CATSPERB: variants seen among roughly 807,000 people sequenced by gnomAD.
CATSPERB encodes the protein cation channel sperm-associated auxiliary subunit beta.
Under a neutral mutation model 128.3 loss-of-function variants are expected in CATSPERB, and 93 were observed. That is an observed-to-expected ratio of 0.72 (90% CI 0.61 to 0.86). The LOEUF (loss-of-function observed/expected upper bound fraction) is 0.86. Ranked by LOEUF, CATSPERB falls within the 40% of genes least tolerant of loss-of-function variation. The pLI is 0.00. For synonymous variants in CATSPERB, 381 were observed against 448.8 expected (o/e 0.85, Z 1.91); for missense variants, 1,153 against 1,329.5 (o/e 0.87, Z 2.06).
chr14:91,588,153 C>T (rs543200441), intron 24 of CATSPERB, 75 bp from the exon 25 acceptor site: 1 of 857,884 alleles, frequency 1.2e-6, no homozygotes, highest in Non-Finnish European at 1.8e-6. Context: ...AAAGTAATTG[C>T]TGTTTTTGCC....
At chr14:91,665,280 T>A (rs893489049) in intron 14 of CATSPERB, among the ~76,000 whole-genome samples, 11 of 152,190 alleles carry the variant, frequency 7.2e-5, no homozygotes, top group Admixed American at 2.0e-4. Flanking sequence ...ACTCCTTACA[T>A]CACTGTTAGT....
At chr14:91,681,547 G>A (rs1424511157) in intron 11 of CATSPERB, among the ~76,000 whole-genome samples, 4 of 152,154 alleles carry the variant, frequency 2.6e-5, no homozygotes, top group East Asian at 1.9e-4. Flanking sequence ...TATGGGAGAC[G>A]CTCCCTGGGA....
chr14:91,719,761 A>G (rs1895998860), intron 4 of CATSPERB, among the ~76,000 whole-genome samples: 1 of 152,190 alleles, frequency 6.6e-6, no homozygotes, highest in African/African-American at 2.4e-5. Flanking sequence ...AACTCTGTAC[A>G]GCCAAGCTTA....
chr14:91,620,099 C>A (rs1433252392), intron 19 of CATSPERB, among the ~76,000 whole-genome samples: 1 of 151,908 alleles, frequency 6.6e-6, no homozygotes, highest in Non-Finnish European at 1.5e-5. Flanking sequence ...GCGTGGAATT[C>A]TGCATGTGAA....
chr14:91,728,031 T>C (rs375289185), intron 2 of CATSPERB, among the ~76,000 whole-genome samples: 2 of 152,334 alleles, frequency 1.3e-5, no homozygotes. Context: ...ACCTTGTCTA[T>C]CACCTCTGAA....
chr14:91,684,056 CAA>C (rs781137022), intron 10 of CATSPERB, 113 bp from the exon 11 acceptor site: 9 of 606,462 alleles, frequency 1.5e-5, no homozygotes, highest in Non-Finnish European at 2.5e-5. Flanking sequence ...GAATGTGAGG[CAA>C]AGAGACAAAA....
chr14:91,674,360 T>C (rs1397984558), intron 11 of CATSPERB, 138 bp from the exon 12 acceptor site: 2 of 581,038 alleles, frequency 3.4e-6, no homozygotes, highest in African/African-American at 4.0e-5. Context: ...AAAATAATAA[T>C]AATAATAAAA....
intron 6 of CATSPERB, 110 bp downstream of exon 6, chr14:91,708,031 A>T: frequency 2.8e-6 from 2 of 709,840 alleles, no homozygotes; most frequent in Admixed American, 5.2e-5. Context: ...CTATTTATTT[A>T]TTTATTTTTA....
At chr14:91,604,279 A>G in intron 22 of CATSPERB, 1 of 681,644 alleles carries the variant, frequency 1.5e-6, no homozygotes, top group Non-Finnish European at 2.6e-6. Flanking sequence ...CTGGATAGGC[A>G]TAATGGAAAC....
At position 91,708,124 on chromosome 14, in the gene CATSPERB, T is replaced by C. The variant is rs1403076177; in HGVS notation, c.466+17A>G. The stretch of plus-strand genomic sequence containing the variant: ...GAATATATGAATTCCATTTTACTTC[T>C]GTCTGTTGGCATTTACCTCGAATAA... On this transcript the variant is annotated intron_variant, in intron 6 of 26. Transcript: ENST00000256343. The C allele has an allele frequency of 6.5e-7, 1 of 1,543,674 alleles. No homozygotes were observed. The highest frequency in any genetic ancestry group is 2.3e-5 in the East Asian group (1 of 44,410).
At chr14:91,724,847 A>ATT (rs1896093317) in intron 3 of CATSPERB, among the ~76,000 whole-genome samples, 1 of 152,204 alleles carries the variant, frequency 6.6e-6, no homozygotes, top group Non-Finnish European at 1.5e-5. Context: ...TTTAAAAAAG[A>ATT]AAGAATAAAA....
chr14:91,598,242 C>G (rs1485257288), intron 22 of CATSPERB, among the ~76,000 whole-genome samples: 1 of 151,232 alleles, frequency 6.6e-6, no homozygotes, highest in Non-Finnish European at 1.5e-5. Context: ...GCTCCTTTTA[C>G]CTTGTTTTAT....
chr14:91,702,527 A>C (rs1288071414), intron 7 of CATSPERB, among the ~76,000 whole-genome samples: 1 of 151,618 alleles, frequency 6.6e-6, no homozygotes, highest in Admixed American at 6.6e-5. Flanking sequence ...GTTTTAATCT[A>C]TTGCTTTATA....
intron 17 of CATSPERB, among the ~76,000 whole-genome samples, chr14:91,625,582 T>C (rs1894145122): frequency 6.6e-6 from 1 of 151,908 alleles, no homozygotes; most frequent in Non-Finnish European, 1.5e-5. Context: ...ATGATCATAT[T>C]ATAATGTCCA....
intron 6 of CATSPERB, among the ~76,000 whole-genome samples, chr14:91,705,447 G>A (rs1236729627): frequency 6.6e-6 from 1 of 152,214 alleles, no homozygotes; most frequent in Non-Finnish European, 1.5e-5. Flanking sequence ...ATGAGATGCA[G>A]AAGAGAAAGC....
rs146406654 is a variant in CATSPERB at position 91,635,096 on chromosome 14, C to T, written c.1742+1329G>A. On this transcript the variant is annotated intron_variant, in intron 17 of 26. Coordinates refer to ENST00000256343, the MANE Select transcript of CATSPERB (RefSeq NM_024764.4). ...TAGCTGGCTCTGTCCTTCAGTCCTT[C>T]GTGGTGGAAGGGCCTAGCTAGCTCT... Among the ~76,000 whole-genome samples, 1,376 of 151,936 alleles carry T rather than the reference C, an allele frequency of 9.1e-3. 16 individuals are homozygous for T. Among genetic ancestry groups the T allele is most frequent in the Middle Eastern group, 0.044 (13 of 294 alleles).
chr14:91,639,763 A>C (rs935434293), intron 15 of CATSPERB, among the ~76,000 whole-genome samples: 4 of 152,160 alleles, frequency 2.6e-5, no homozygotes, highest in African/African-American at 9.7e-5. Flanking sequence ...CACTTAGCCA[A>C]ACAGACACTG....
At chr14:91,680,423 T>C (rs1895260727) in intron 11 of CATSPERB, among the ~76,000 whole-genome samples, 1 of 152,224 alleles carries the variant, frequency 6.6e-6, no homozygotes, top group Non-Finnish European at 1.5e-5. Context: ...TGCTTGTGTT[T>C]TGTATAACTA....
chr14:91,721,118 A>C (rs1465532051), intron 4 of CATSPERB, among the ~76,000 whole-genome samples: 3 of 152,220 alleles, frequency 2.0e-5, no homozygotes, highest in East Asian at 3.9e-4. Flanking sequence ...GTAAATTATC[A>C]ACCTCCTAGA....
Sources: gnomAD v4.1 joint callset for allele counts (sites outside exome capture counted in the v4.1 genomes callset) on GRCh38, gnomAD v4.1.1 for gene constraint, MANE v1.5 for transcripts, NCBI Gene and HGNC (gene_info 2026-07-23, HGNC 2026-07-21) for gene names.